LRMDA: variants seen among roughly 807,000 people sequenced by gnomAD.
LRMDA encodes leucine rich melanocyte differentiation associated.
LRMDA carries 18 observed loss-of-function variants against 29.8 expected under a neutral mutation model. The ratio of observed to expected loss-of-function variants is 0.60; its 90% CI spans 0.42 to 0.90. The LOEUF (loss-of-function observed/expected upper bound fraction) is 0.90, where lower values mean the gene tolerates loss of function less well. LRMDA is among the 40% of genes least tolerant of loss of function. The pLI is 0.00. For synonymous variants in LRMDA, 125 were observed against 109.4 expected, an observed-to-expected ratio of 1.14 and a Z score of -0.89; for missense variants, 273 against 273.9, an observed-to-expected ratio of 1.00 and a Z score of 0.02.
intron 6 of LRMDA, among the ~76,000 whole-genome samples, chr10:76,478,049 A>C (rs1482972154): frequency 6.6e-6 from 1 of 152,160 alleles, no homozygotes; most frequent in African/African-American, 2.4e-5. Flanking sequence ...AAAATTGAGA[A>C]ATGGGATCTA....
chr10:75,473,233 A>G (rs1245347031), intron 2 of LRMDA, among the ~76,000 whole-genome samples: 1 of 152,244 alleles, frequency 6.6e-6, no homozygotes, highest in Admixed American at 6.5e-5. Context: ...GTGTATACCA[A>G]AGTGGGGGGA....
intron 2 of LRMDA, among the ~76,000 whole-genome samples, chr10:75,865,663 G>A (rs4745799): frequency 0.38 from 57,153 of 152,002 alleles, 12,468 homozygotes; most frequent in South Asian, 0.52. Context: ...AGTACCTGCC[G>A]TCTGGGTTAG....
At chr10:76,187,258 A>G (rs1447288710) in intron 5 of LRMDA, among the ~76,000 whole-genome samples, 3 of 152,156 alleles carry the variant, frequency 2.0e-5, no homozygotes, top group Non-Finnish European at 4.4e-5. Flanking sequence ...AAATCATTGT[A>G]TGTTAAGGAT....
At chr10:76,525,403 G>C (rs1231561142) in intron 6 of LRMDA, among the ~76,000 whole-genome samples, 2 of 152,114 alleles carry the variant, frequency 1.3e-5, no homozygotes, top group Non-Finnish European at 1.5e-5. Flanking sequence ...TGCTCCTGAA[G>C]TCCTAAACTC....
chr10:75,807,950 A>G (rs1161309316), intron 2 of LRMDA, among the ~76,000 whole-genome samples: 1 of 152,198 alleles, frequency 6.6e-6, no homozygotes, highest in Non-Finnish European at 1.5e-5. Flanking sequence ...CATCACAATA[A>G]GAGCATTTTT....
At chr10:76,367,673 C>T (rs1441062515) in intron 6 of LRMDA, among the ~76,000 whole-genome samples, 1 of 152,014 alleles carries the variant, frequency 6.6e-6, no homozygotes, top group Non-Finnish European at 1.5e-5. Context: ...ATCCACCTGC[C>T]CCGATCTTAG....
At chr10:75,618,939 C>T (rs1196336298) in intron 2 of LRMDA, among the ~76,000 whole-genome samples, 1 of 151,974 alleles carries the variant, frequency 6.6e-6, no homozygotes, top group East Asian at 1.9e-4. Flanking sequence ...CGTGCCACCA[C>T]TCCTGGCTAA....
At chr10:76,370,450 A>C (rs1841441256) in intron 6 of LRMDA, among the ~76,000 whole-genome samples, 1 of 152,064 alleles carries the variant, frequency 6.6e-6, no homozygotes, top group South Asian at 2.1e-4. Flanking sequence ...CTTTCCAATC[A>C]TGTTAGAGAA....
At chr10:75,439,838 G>A (rs1243063849) in intron 2 of LRMDA, among the ~76,000 whole-genome samples, 5 of 152,142 alleles carry the variant, frequency 3.3e-5, no homozygotes, top group African/African-American at 1.2e-4. Flanking sequence ...GGAGAGGACC[G>A]AGTGCGTGGC....
At chr10:76,054,898 T>G (rs111848496) in intron 4 of LRMDA, among the ~76,000 whole-genome samples, 3,035 of 150,482 alleles carry the variant, frequency 0.02, 117 homozygotes, top group African/African-American at 0.07. Flanking sequence ...ACGCTGTCTC[T>G]ACTAAAAATA....
chr10:75,452,704 A>G (rs1825400695), intron 2 of LRMDA, among the ~76,000 whole-genome samples: 1 of 150,870 alleles, frequency 6.6e-6, no homozygotes, highest in Non-Finnish European at 1.5e-5. Flanking sequence ...TGGAGATTTC[A>G]CTGGATAGGT....
chr10:75,702,515 C>G (rs1327925395), intron 2 of LRMDA, among the ~76,000 whole-genome samples: 1 of 152,118 alleles, frequency 6.6e-6, no homozygotes, highest in East Asian at 1.9e-4. Context: ...ATCCCCTTTA[C>G]CCTATTCAGT....
chr10:76,303,995 C>T (rs1195775134), intron 5 of LRMDA, among the ~76,000 whole-genome samples: 1 of 152,098 alleles, frequency 6.6e-6, no homozygotes, highest in East Asian at 1.9e-4. Context: ...TGATGACAGC[C>T]CTGAAGGCCC....
At chr10:76,072,922 T>A (rs1267601449) in intron 5 of LRMDA, among the ~76,000 whole-genome samples, 1 of 152,230 alleles carries the variant, frequency 6.6e-6, no homozygotes, top group Non-Finnish European at 1.5e-5. Context: ...CCTTCCAGTC[T>A]CCATGTTTCC....
At chr10:76,014,593 A>G (rs937143997) in intron 2 of LRMDA, among the ~76,000 whole-genome samples, 1 of 152,188 alleles carries the variant, frequency 6.6e-6, no homozygotes, top group Non-Finnish European at 1.5e-5. Context: ...TCAGAAACAT[A>G]ATGAAACAAA....
chr10:76,107,665 C>A (rs1849508924), intron 5 of LRMDA, among the ~76,000 whole-genome samples: 5 of 152,218 alleles, frequency 3.3e-5, no homozygotes, highest in Admixed American at 3.3e-4. Context: ...TTAGCCCTCA[C>A]AGCTTCCCCC....
chr10:75,845,463 T>C (rs191570132), intron 2 of LRMDA, among the ~76,000 whole-genome samples: 18 of 152,360 alleles, frequency 1.2e-4, no homozygotes, highest in African/African-American at 4.3e-4. Context: ...CAACACATCC[T>C]GTGTTTCCCT....
chr10:75,861,141 G>C (rs1844922352), intron 2 of LRMDA, among the ~76,000 whole-genome samples: 1 of 152,188 alleles, frequency 6.6e-6, no homozygotes, highest in Non-Finnish European at 1.5e-5. Context: ...CATCAAATGG[G>C]ATGTGCTTTG....
At chr10:75,675,205 T>C (rs1841944967) in intron 2 of LRMDA, among the ~76,000 whole-genome samples, 2 of 152,228 alleles carry the variant, frequency 1.3e-5, no homozygotes, top group South Asian at 4.1e-4. Flanking sequence ...ACATTTTACT[T>C]ACAGCAAATA....
Sources: gnomAD v4.1 joint callset for allele counts (sites outside exome capture counted in the v4.1 genomes callset) on GRCh38, gnomAD v4.1.1 for gene constraint, MANE v1.5 for transcripts, NCBI Gene and HGNC (gene_info 2026-07-23, HGNC 2026-07-21) for gene names.